Variants in SENP7 observed in about 807,000 individuals in gnomAD.
SENP7 encodes the protein SUMO specific peptidase 7, also known as sentrin-specific protease 7.
Under a neutral mutation model 141.2 loss-of-function variants are expected in SENP7, and 64 were observed. That is an observed-to-expected ratio of 0.45 (90% confidence interval 0.37 to 0.56). The LOEUF is 0.56. Ranked by LOEUF, SENP7 falls within the 20% of genes least tolerant of loss-of-function variation. The pLI, the probability that SENP7 is intolerant of heterozygous loss-of-function variation, is 0.00. For synonymous variants in SENP7, 382 were observed against 426.4 expected, an observed-to-expected ratio of 0.90 and a Z score of 1.28; for missense variants, 1,025 against 1,212.2, an observed-to-expected ratio of 0.85 and a Z score of 2.29.
rs192227320 is a variant in SENP7, at chr3:101,480,877, C to G, written c.186+12996G>C. ...GCCAACAGGTACATGAAAAAATGCTCAACATCACTAACCACTAGGGAAATG... is the reference window on the plus strand; with the variant it reads ...GCCAACAGGTACATGAAAAAATGCTGAACATCACTAACCACTAGGGAAATG... On this transcript the variant is annotated intron_variant, in intron 3 of 23. Transcript: ENST00000394095. 4.4e-4 allele frequency among the ~76,000 whole-genome samples: 66 copies of G among 151,350 alleles called. 1 individual carries two copies. The highest frequency in any genetic ancestry group is 1.6e-3 in the Admixed American group (24 of 15,162).
chr3:101,430,190 T>C (rs2062109862), intron 4 of SENP7, among the ~76,000 whole-genome samples: 1 of 152,244 alleles, frequency 6.6e-6, no homozygotes, highest in South Asian at 2.1e-4. Context: ...ATCAGGATGA[T>C]GCTGGCCTCA....
At chr3:101,373,541 T>C (rs1212053094) in intron 6 of SENP7, among the ~76,000 whole-genome samples, 1 of 152,132 alleles carries the variant, frequency 6.6e-6, no homozygotes, top group Non-Finnish European at 1.5e-5. Context: ...GTCCTTGTTT[T>C]TCTAGCACAA....
At chr3:101,447,231 G>T (rs180887751) in intron 4 of SENP7, among the ~76,000 whole-genome samples, 203 of 152,210 alleles carry the variant, frequency 1.3e-3, no homozygotes, top group South Asian at 2.7e-3. Context: ...GATTGCTTGA[G>T]ACCAGGTGTT....
chr3:101,372,195 G>A, intron 6 of SENP7, 69 bp from the exon 7 acceptor site: 1 of 744,640 alleles, frequency 1.3e-6, no homozygotes, highest in Non-Finnish European at 2.1e-6. Flanking sequence ...CAACTAGCAT[G>A]TATTTAAAAA....
rs1349835279 is a variant in SENP7, at chr3:101,325,768, T to C, written c.*175A>G. The C allele has an allele frequency of 2.5e-5, 11 of 433,986 alleles. No individual in the cohort carries two copies. Among genetic ancestry groups the C allele is most frequent in the Non-Finnish European group, 3.9e-5 (10 of 256,368 alleles). 26.9% of individuals were successfully genotyped at this position (433,986 alleles called of 1,614,324 possible). On this transcript the variant is annotated 3_prime_UTR_variant, in exon 24 of 24. Transcript: ENST00000394095. Reference sequence around the variant, plus strand: ...ATATCACCCCCATTCCCATTCCATCTATGAGATCCCAACAATTCTAATAAT... The same window carrying C: ...ATATCACCCCCATTCCCATTCCATCCATGAGATCCCAACAATTCTAATAAT...
intron 4 of SENP7, among the ~76,000 whole-genome samples, chr3:101,426,931 A>G (rs1180778647): frequency 6.6e-6 from 1 of 152,224 alleles, no homozygotes; most frequent in Non-Finnish European, 1.5e-5. Context: ...CAGACCAGTG[A>G]CACCATAAAG....
At chr3:101,480,756 A>C (rs1270500293) in intron 3 of SENP7, among the ~76,000 whole-genome samples, 2 of 152,200 alleles carry the variant, frequency 1.3e-5, no homozygotes, top group Non-Finnish European at 2.9e-5. Flanking sequence ...AATATCCAGA[A>C]TACACAAGGA....
chr3:101,489,090 C>A (rs1245747959), intron 3 of SENP7, among the ~76,000 whole-genome samples: 1 of 152,076 alleles, frequency 6.6e-6, no homozygotes, highest in Admixed American at 6.6e-5. Flanking sequence ...GAAATAAAAT[C>A]CTTCTCAGAC....
At chr3:101,379,799 A>G (rs1017607067) in intron 6 of SENP7, among the ~76,000 whole-genome samples, 1 of 152,204 alleles carries the variant, frequency 6.6e-6, no homozygotes, top group African/African-American at 2.4e-5. Context: ...AGATTGCCAT[A>G]TGATCCAGCA....
At chr3:101,344,399 GCTGTTT>G in intron 13 of SENP7, among the ~76,000 whole-genome samples, 1 of 152,188 alleles carries the variant, frequency 6.6e-6, no homozygotes, top group African/African-American at 2.4e-5. Flanking sequence ...CTTATAAATG[GCTGTTT>G]CTATTTTCCC....
intron 8 of SENP7, among the ~76,000 whole-genome samples, chr3:101,367,503 A>T (rs1278470444): frequency 6.6e-6 from 1 of 152,112 alleles, no homozygotes; most frequent in Non-Finnish European, 1.5e-5. Context: ...ATGACTAGAC[A>T]GTATGAATAG....
Position 101,439,140 on chromosome 3 carries a change from C to T in SENP7, c.284+19815G>A, listed in dbSNP as rs1183447750. 4.0e-4 allele frequency among the ~76,000 whole-genome samples: 43 copies of T among 108,758 alleles called. 1 individual carries two copies. Among genetic ancestry groups the T allele is most frequent in the African/African-American group, 1.4e-3 (41 of 29,774 alleles). The allele number at this position is 108,758 out of a possible 152,430, so 71.3% of individuals were successfully genotyped here. A position where few individuals can be genotyped will look rare whatever the true frequency, so the allele number is the denominator to read the frequency against. ...CTAGGAAGTGAGGAGCGTCTCTGCC[C>T]GGCCGCCCATCGTCTGAGATGTGGG... On this transcript the variant is annotated intron_variant, in intron 4 of 23. Coordinates refer to ENST00000394095, the MANE Select transcript of SENP7 (RefSeq NM_020654.5).
intron 3 of SENP7, among the ~76,000 whole-genome samples, chr3:101,462,043 C>T (rs976182782): frequency 6.6e-5 from 10 of 152,106 alleles, no homozygotes; most frequent in African/African-American, 2.4e-4. Flanking sequence ...GAAGTGAATG[C>T]TTAATGGTTA....
intron 6 of SENP7, among the ~76,000 whole-genome samples, chr3:101,383,039 C>G (rs2060547962): frequency 6.6e-6 from 1 of 152,100 alleles, no homozygotes; most frequent in East Asian, 1.9e-4. Context: ...AACATATTCA[C>G]TAAAAATGAT....
chr3:101,390,444 A>G (rs1289496990), intron 6 of SENP7, among the ~76,000 whole-genome samples: 1 of 152,108 alleles, frequency 6.6e-6, no homozygotes, highest in African/African-American at 2.4e-5. Context: ...TTCCATTTGC[A>G]AATTTTAAGT....
chr3:101,335,803 TA>T (rs2059169446), intron 17 of SENP7, among the ~76,000 whole-genome samples: 1 of 152,186 alleles, frequency 6.6e-6, no homozygotes, highest in South Asian at 2.1e-4. Flanking sequence ...AAATGTTACC[TA>T]ATTTATTTAA....
chr3:101,365,384 C>T (rs2060009027), intron 9 of SENP7, among the ~76,000 whole-genome samples: 3 of 151,366 alleles, frequency 2.0e-5, no homozygotes, highest in Non-Finnish European at 4.4e-5. Flanking sequence ...TCCTGTAATC[C>T]CAGCACTTTG....
rs530860680 is a variant in SENP7, at chr3:101,501,091, C to T, written c.69G>A (p.Lys23=). The change falls in exon 2 of 24, where the codon AAG becomes AAA. Residue 23 remains lysine, a synonymous_variant. Transcript: ENST00000394095. ...SEIITEGKRK[K]SSSDLSEIRK... ...ATACCTCCGATAAATCAGAAGATGA[C>T]TTTTTCCTTTTTCCTTCTGTGATGA... 1.2e-6 allele frequency: 2 copies of T among 1,606,354 alleles called. No individual in the cohort carries two copies. The highest frequency in any genetic ancestry group is 1.7e-6 in the Non-Finnish European group (2 of 1,176,002).
At chr3:101,362,557 G>A (rs1262498008) in intron 10 of SENP7, among the ~76,000 whole-genome samples, 2 of 152,066 alleles carry the variant, frequency 1.3e-5, no homozygotes, top group Non-Finnish European at 2.9e-5. Context: ...GGCTTCTATT[G>A]AACCTGTCAC....
Sources: gnomAD v4.1 joint callset for allele counts (sites outside exome capture counted in the v4.1 genomes callset) on GRCh38, gnomAD v4.1.1 for gene constraint, MANE v1.5 for transcripts, NCBI Gene and HGNC (gene_info 2026-07-23, HGNC 2026-07-21) for gene names.